ABCA10: variants seen among roughly 807,000 people sequenced by gnomAD.
ABCA10 encodes the protein ATP-binding cassette sub-family A member 10.
In ABCA10, 169 loss-of-function variants were observed where a neutral mutation model predicts 187.5. That is an observed-to-expected ratio of 0.90 (90% CI 0.80 to 1.02). The LOEUF (loss-of-function observed/expected upper bound fraction) is 1.02. ABCA10 is among the 50% of genes least tolerant of loss of function. The probability of loss-of-function intolerance (pLI) is 0.00; values close to 1 mark genes in which losing one functional copy is unlikely to be tolerated. For synonymous variants in ABCA10, 574 were observed against 601.8 expected, an observed-to-expected ratio of 0.95 and a Z score of 0.68; for missense variants, 1,727 against 1,812.4, an observed-to-expected ratio of 0.95 and a Z score of 0.86.
intron 27 of ABCA10, among the ~76,000 whole-genome samples, chr17:69,157,311 T>A (rs1490777857): frequency 6.6e-6 from 1 of 152,156 alleles, no homozygotes; most frequent in Non-Finnish European, 1.5e-5. Flanking sequence ...TCATGCCATG[T>A]CCAGGAGCAG....
intron 12 of ABCA10, 113 bp from the exon 13 acceptor site, chr17:69,194,102 T>G: frequency 9.7e-7 from 1 of 1,034,078 alleles, no homozygotes; most frequent in Middle Eastern, 3.2e-4. Flanking sequence ...TTAAAGAAAC[T>G]TCACATTTTC....
intron 20 of ABCA10, among the ~76,000 whole-genome samples, chr17:69,185,081 T>A (rs944971185): frequency 6.6e-6 from 1 of 152,004 alleles, no homozygotes; most frequent in Non-Finnish European, 1.5e-5. Context: ...TTATCACTTA[T>A]AAGTGGGAGC....
In ABCA10 at chr17:69,155,793, C is replaced by T. The variant is rs368606702; in HGVS notation, c.3576+12G>A. On this transcript the variant is annotated intron_variant, in intron 29 of 38. Coordinates refer to ENST00000690296, the MANE Select transcript of ABCA10 (RefSeq NM_001377321.1). ...TGAGCATTTTATTAAGGGTCTAATC[C>T]CTGCTGTTCACCTCCTCCAAGTTTG... 14 of 1,612,668 alleles carry T rather than the reference C, an allele frequency of 8.7e-6. No homozygotes were observed. The Admixed American group carries it at 1.0e-4, about 12-fold the overall frequency.
chr17:69,164,373 T>A (rs1053574093), intron 26 of ABCA10, among the ~76,000 whole-genome samples: 3 of 152,164 alleles, frequency 2.0e-5, no homozygotes, highest in African/African-American at 7.2e-5. Flanking sequence ...CAATTGTATG[T>A]AATAGGGATT....
intron 9 of ABCA10, among the ~76,000 whole-genome samples, chr17:69,212,217 T>C (rs541186353): frequency 1.3e-5 from 2 of 152,296 alleles, no homozygotes; most frequent in South Asian, 4.1e-4. Flanking sequence ...AAATTTCCAT[T>C]TTTATTTCAT....
chr17:69,157,014 T>C, intron 27 of ABCA10, 91 bp from the exon 28 acceptor site: 1 of 733,534 alleles, frequency 1.4e-6, no homozygotes, highest in Non-Finnish European at 2.0e-6. Flanking sequence ...CACAGAAGAT[T>C]TGATCATTTT....
intron 12 of ABCA10, 96 bp from the exon 13 acceptor site, chr17:69,194,085 G>C: frequency 8.2e-7 from 1 of 1,213,054 alleles, no homozygotes; most frequent in East Asian, 2.5e-5. Context: ...CAAAAAACTT[G>C]TTTTTATTAA....
chr17:69,230,002 A>G (rs2074820039), upstream of ABCA10, among the ~76,000 whole-genome samples: 1 of 152,094 alleles, frequency 6.6e-6, no homozygotes, highest in African/African-American at 2.4e-5. Context: ...ATTACCAATG[A>G]AACAGCATTG....
intron 9 of ABCA10, among the ~76,000 whole-genome samples, chr17:69,212,029 G>A (rs941970364): frequency 6.6e-6 from 1 of 151,880 alleles, no homozygotes; most frequent in Non-Finnish European, 1.5e-5. Context: ...TTTGGGTTTG[G>A]TTTGTTTTTG....
At position 69,228,677 on chromosome 17, in the gene ABCA10, C is replaced by T. The variant is rs371438592; in HGVS notation, c.-409G>A. On this transcript the variant is annotated 5_prime_UTR_variant, in exon 1 of 39. Transcript: ENST00000690296. ...GAAGAATCCTTCAAGGACTCCTCTACAAATGGTTGCCTCTTTTAAAACTGT... is the reference window on the plus strand; with the variant it reads ...GAAGAATCCTTCAAGGACTCCTCTATAAATGGTTGCCTCTTTTAAAACTGT... 6.6e-6 allele frequency: 1 copy of T among 152,058 alleles called. No individual in the cohort carries two copies. 9.4% of individuals were successfully genotyped at this position (152,058 alleles called of 1,614,324 possible). A position where few individuals can be genotyped will look rare whatever the true frequency, so the allele number is the denominator to read the frequency against.
chr17:69,240,953 C>T (rs902098499), intron 1 of ABCA10, among the ~76,000 whole-genome samples: 1 of 152,150 alleles, frequency 6.6e-6, no homozygotes, highest in Non-Finnish European at 1.5e-5. Context: ...CCATCAATAC[C>T]CCCTGACTCT....
intron 9 of ABCA10, among the ~76,000 whole-genome samples, chr17:69,212,009 T>C (rs1159339510): frequency 6.6e-6 from 1 of 152,180 alleles, no homozygotes; most frequent in Non-Finnish European, 1.5e-5. Flanking sequence ...ATTTCTTTTC[T>C]TCTGCTGGGT....
At chr17:69,191,150 T>A (rs965010002) in intron 17 of ABCA10, 26 bp downstream of exon 17, 1 of 1,559,094 alleles carries the variant, frequency 6.4e-7, no homozygotes, top group Non-Finnish European at 8.7e-7. Context: ...CTTACATATA[T>A]TCTATGTGAT....
chr17:69,193,239 G>C lies in ABCA10; in HGVS notation c.1651C>G (p.Leu551Val). 6.2e-7 allele frequency: 1 copy of C among 1,613,030 alleles called. No homozygotes were observed. The highest frequency in any genetic ancestry group is 8.5e-7 in the Non-Finnish European group (1 of 1,179,752). Reference sequence around the variant, plus strand: ...TCCAATCCAGCAGTTGGTTCATCTAGCAGCAAAACCTACAGAGGAGGAAAC... The same window carrying C: ...TCCAATCCAGCAGTTGGTTCATCTACCAGCAAAACCTACAGAGGAGGAAAC... Reference protein sequence around the residue: ...AILGDPQVLLLDEPTAGLDPF... With the variant: ...AILGDPQVLLVDEPTAGLDPF... The change falls in exon 15 of 39, where the codon CTA becomes GTA. Residue 551 changes from leucine (L) to valine (V), a missense_variant. Physicochemically the swap from Leu to Val is conservative, Grantham distance 32 (BLOSUM62 1). Transcript: ENST00000690296.
At chr17:69,175,327 G>T in intron 23 of ABCA10, 79 bp downstream of exon 23, 2 of 1,188,566 alleles carry the variant, frequency 1.7e-6, no homozygotes, top group Non-Finnish European at 2.4e-6. Context: ...ACAACTGTGT[G>T]TGTATAAAAC....
At chr17:69,218,733 T>C (rs750137937) in intron 6 of ABCA10, among the ~76,000 whole-genome samples, 1 of 152,196 alleles carries the variant, frequency 6.6e-6, no homozygotes, top group Non-Finnish European at 1.5e-5. Context: ...CACCGAACAC[T>C]GTTTGTGCTG....
In ABCA10 at chr17:69,152,043, C is replaced by A. The variant is rs775034224; in HGVS notation, c.4397G>T (p.Arg1466Ile). 6 of 1,607,254 alleles carry A rather than the reference C, an allele frequency of 3.7e-6. No homozygotes were observed. The Admixed American group carries it at 5.1e-5, about 14-fold the overall frequency. ...KLFPQAAWQE[R>I]YSSLMAYKLP... ...CACTCAAACCGAAAACATCCTTTAC[C>A]TTTCCTGCCAAGCAGCCTGTGGGAA... The change falls in exon 36 of 39, where the codon AGA (arginine) becomes ATA (isoleucine). Residue 1466 changes from arginine (R) to isoleucine (I), a missense_variant and splice_region_variant. Coordinates refer to ENST00000690296, the MANE Select transcript of ABCA10 (RefSeq NM_001377321.1).
chr17:69,193,550 T>G lies in ABCA10; in HGVS notation c.1584A>C (p.Leu528Phe). ...QSIQDIIAKK[L>F]SGGQKRKLTL... ...TTAGTTTTCTCTTCTGCCCACCACT[T>G]AATTTTTTAGCAATAATGTCTTGAA... Residue 528 changes from leucine (L) to phenylalanine (F), a missense_variant, in exon 14 of 39, where the codon TTA becomes TTC. Physicochemically the swap from Leu to Phe is conservative, Grantham distance 22 (BLOSUM62 0). Transcript: ENST00000690296. 6.2e-7 allele frequency: 1 copy of G among 1,613,488 alleles called. No homozygotes were observed. Among genetic ancestry groups the G allele is most frequent in the Non-Finnish European group, 8.5e-7 (1 of 1,179,594 alleles).
At chr17:69,216,178 T>C in intron 7 of ABCA10, 39 bp downstream of exon 7, 2 of 1,579,924 alleles carry the variant, frequency 1.3e-6, no homozygotes, top group Non-Finnish European at 8.6e-7. Context: ...ATCTGTAATC[T>C]GAAACAGGTT....
Sources: allele counts gnomAD v4.1 joint callset (sites outside exome capture counted in the v4.1 genomes callset), GRCh38; gene constraint gnomAD v4.1.1; transcripts MANE v1.5; gene names NCBI Gene and HGNC (gene_info 2026-07-23, HGNC 2026-07-21).